AUTS2: variants seen among roughly 807,000 people sequenced by gnomAD.
AUTS2 encodes autism susceptibility gene 2 protein.
Under a neutral mutation model 112.4 loss-of-function variants are expected in AUTS2, and 17 were observed. The observed-to-expected ratio is 0.15, with a 90% CI of 0.10 to 0.23. The LOEUF is 0.23. AUTS2 is among the 10% of genes least tolerant of loss of function. AUTS2 has a pLI of 1.00. For missense variants in AUTS2, 1,510 were observed against 1,701.6 expected (o/e 0.89, Z 1.98); for synonymous variants, 751 against 702.7 (o/e 1.07, Z -1.09).
chr7:70,371,020 G>A (rs564042476), intron 4 of AUTS2, among the ~76,000 whole-genome samples: 1 of 152,166 alleles, frequency 6.6e-6, no homozygotes, highest in South Asian at 2.1e-4. Flanking sequence ...ATGGATAGGA[G>A]GATTTCAAGC....
At chr7:69,952,634 G>A (rs1160000635) in intron 2 of AUTS2, among the ~76,000 whole-genome samples, 1 of 152,088 alleles carries the variant, frequency 6.6e-6, no homozygotes, top group Non-Finnish European at 1.5e-5. Context: ...ACTAGATCAT[G>A]TTTCCTTGTG....
intron 2 of AUTS2, among the ~76,000 whole-genome samples, chr7:70,026,756 A>G (rs1584600036): frequency 6.6e-6 from 1 of 152,140 alleles, no homozygotes; most frequent in South Asian, 2.1e-4. Context: ...CTGAATGGGT[A>G]TACATATGTG....
At chr7:70,260,618 A>T (rs913551213) in intron 4 of AUTS2, among the ~76,000 whole-genome samples, 3 of 151,858 alleles carry the variant, frequency 2.0e-5, no homozygotes, top group African/African-American at 7.3e-5. Context: ...GCTGCATTGG[A>T]GATTAAGTTT....
intron 5 of AUTS2, among the ~76,000 whole-genome samples, chr7:70,620,149 C>G (rs542705691): frequency 6.6e-6 from 1 of 152,266 alleles, no homozygotes; most frequent in Non-Finnish European, 1.5e-5. Context: ...TTCTTTACTC[C>G]TTAGCACATA....
intron 1 of AUTS2, among the ~76,000 whole-genome samples, chr7:69,640,022 G>A (rs2129117399): frequency 6.6e-6 from 1 of 152,308 alleles, no homozygotes; most frequent in Non-Finnish European, 1.5e-5. Context: ...CAGTTACCTT[G>A]TAGTAAATTC....
At chr7:70,032,802 T>C (rs1366003459) in intron 2 of AUTS2, among the ~76,000 whole-genome samples, 2 of 151,952 alleles carry the variant, frequency 1.3e-5, no homozygotes, top group Non-Finnish European at 2.9e-5. Flanking sequence ...GTAATTATGC[T>C]ATGTTGGTTT....
intron 5 of AUTS2, among the ~76,000 whole-genome samples, chr7:70,602,276 A>C (rs1050722617): frequency 6.6e-6 from 1 of 152,190 alleles, no homozygotes; most frequent in Non-Finnish European, 1.5e-5. Flanking sequence ...TGCTCTCTCA[A>C]CCTTGCACCA....
intron 1 of AUTS2, among the ~76,000 whole-genome samples, chr7:69,665,888 T>C (rs1371721314): frequency 6.6e-6 from 1 of 152,178 alleles, no homozygotes; most frequent in East Asian, 1.9e-4. Context: ...ATTTCTATTA[T>C]TGTGTGAAGT....
At chr7:69,944,598 A>T (rs1187672512) in intron 2 of AUTS2, among the ~76,000 whole-genome samples, 2 of 152,210 alleles carry the variant, frequency 1.3e-5, no homozygotes, top group Admixed American at 6.5e-5. Context: ...GCTGAGAACC[A>T]TCAAACTGAA....
In AUTS2 at chr7:69,888,719, C is replaced by G. The variant is rs182247707; in HGVS notation, c.310-10567C>G. ...GCCTCAGCCTCCCGAGTAGCTGGGA[C>G]TACACCTCCACGCCTGGCTAATTTT... is the stretch of plus-strand genomic sequence containing the variant. On this transcript the variant is annotated intron_variant, in intron 1 of 18. Transcript: ENST00000342771. Among the ~76,000 whole-genome samples the G allele has an allele frequency of 1.0e-3, 154 of 151,626 alleles. 1 individual carries two copies. In the East Asian group the frequency reaches 0.011, roughly 10 times the overall value.
intron 6 of AUTS2, among the ~76,000 whole-genome samples, chr7:70,702,427 A>T (rs1457234716): frequency 1.3e-5 from 2 of 152,218 alleles, no homozygotes; most frequent in Non-Finnish European, 2.9e-5. Flanking sequence ...CAACTCATAG[A>T]TAGACGGTGA....
intron 4 of AUTS2, among the ~76,000 whole-genome samples, chr7:70,320,692 T>G (rs1790213849): frequency 6.6e-6 from 1 of 152,082 alleles, no homozygotes; most frequent in South Asian, 2.1e-4. Flanking sequence ...AAGTGTGCCT[T>G]GGAAGAAAAG....
chr7:70,536,572 C>CTTTTTTT (rs34639179), intron 5 of AUTS2, among the ~76,000 whole-genome samples: 5 of 49,050 alleles, frequency 1.0e-4, no homozygotes, highest in African/African-American at 1.7e-4. Flanking sequence ...GAAGCCAAGG[C>CTTTTTTT]TTTTTTTTTT....
chr7:70,319,360 A>C (rs1790143931), intron 4 of AUTS2, among the ~76,000 whole-genome samples: 1 of 152,206 alleles, frequency 6.6e-6, no homozygotes, highest in Non-Finnish European at 1.5e-5. Flanking sequence ...CTGCAGGTCT[A>C]TTTTAATGAA....
chr7:70,542,258 A>C (rs983039711), intron 5 of AUTS2, among the ~76,000 whole-genome samples: 1 of 152,158 alleles, frequency 6.6e-6, no homozygotes, highest in African/African-American at 2.4e-5. Flanking sequence ...TTCCTTCCTG[A>C]GAGTTCACTA....
intron 5 of AUTS2, among the ~76,000 whole-genome samples, chr7:70,511,679 G>A (rs1446498540): frequency 7.1e-6 from 1 of 141,516 alleles, no homozygotes; most frequent in Non-Finnish European, 1.5e-5. Flanking sequence ...AGGTTCAAGC[G>A]ATTCTCCTGC....
At chr7:70,360,086 T>A (rs1792191488) in intron 4 of AUTS2, among the ~76,000 whole-genome samples, 1 of 152,232 alleles carries the variant, frequency 6.6e-6, no homozygotes, top group Non-Finnish European at 1.5e-5. Flanking sequence ...ACGCTTTACT[T>A]TCAAAGAATG....
chr7:70,389,346 GA>G (rs952363894), intron 4 of AUTS2, among the ~76,000 whole-genome samples: 1 of 151,788 alleles, frequency 6.6e-6, no homozygotes, highest in East Asian at 1.9e-4. Context: ...GCCCAATGGG[GA>G]AAAAAAACAC....
chr7:70,635,619 G>A (rs937333238), intron 5 of AUTS2, among the ~76,000 whole-genome samples: 1 of 152,216 alleles, frequency 6.6e-6, no homozygotes, highest in South Asian at 2.1e-4. Flanking sequence ...AGGTGGCCTG[G>A]CAGTGGGAAG....
Sources: gnomAD v4.1 joint callset for allele counts (sites outside exome capture counted in the v4.1 genomes callset) on GRCh38, gnomAD v4.1.1 for gene constraint, MANE v1.5 for transcripts, NCBI Gene and HGNC (gene_info 2026-07-23, HGNC 2026-07-21) for gene names.